The following SLC16A7 variants were observed in gnomAD, a reference collection of about 807,000 sequenced individuals.
SLC16A7 encodes the protein solute carrier family 16 member 7, also known as monocarboxylate transporter 2.
SLC16A7 carries 33 observed loss-of-function variants against 34.9 expected under a neutral mutation model. The ratio of observed to expected loss-of-function variants is 0.94; its 90% confidence interval spans 0.72 to 1.26. The LOEUF (loss-of-function observed/expected upper bound fraction) is 1.26, where lower values mean the gene tolerates loss of function less well. Among genes scored for constraint, SLC16A7 ranks in the 50% most tolerant of loss-of-function variants. The pLI is 0.00. For missense variants in SLC16A7, 573 were observed against 578.1 expected (o/e 0.99, Z 0.09); for synonymous variants, 201 against 206.6 (o/e 0.97, Z 0.23).
chr12:59,774,594 A>G (rs1211071243), intron 4 of SLC16A7, 63 bp from the exon 5 acceptor site: 15 of 1,017,656 alleles, frequency 1.5e-5, no homozygotes, highest in Non-Finnish European at 2.0e-5. Flanking sequence ...TTGAGGAGTA[A>G]TTTCTTTTGT....
At chr12:59,665,583 GTAAT>G (rs1288950026) in intron 2 of SLC16A7, among the ~76,000 whole-genome samples, 2 of 152,010 alleles carry the variant, frequency 1.3e-5, no homozygotes, top group African/African-American at 4.8e-5. Flanking sequence ...ATAATTATCT[GTAAT>G]TAAAGACATT....
intron 3 of SLC16A7, among the ~76,000 whole-genome samples, chr12:59,713,031 CT>C (rs1302327917): frequency 6.7e-6 from 1 of 149,132 alleles, no homozygotes; most frequent in Non-Finnish European, 1.5e-5. Flanking sequence ...CTTTTCTTTT[CT>C]TTTTTGAGAT....
chr12:59,725,729 T>A (rs938323262), intron 3 of SLC16A7, among the ~76,000 whole-genome samples: 3 of 152,182 alleles, frequency 2.0e-5, no homozygotes, highest in Non-Finnish European at 4.4e-5. Context: ...TCAAAAAATA[T>A]GAAGTTATTC....
chr12:59,688,589 T>A (rs1259741692), intron 2 of SLC16A7, among the ~76,000 whole-genome samples: 1 of 152,072 alleles, frequency 6.6e-6, no homozygotes. Flanking sequence ...CAGCAATGTT[T>A]TATATATATG....
At chr12:59,597,051 G>C (rs888343504) in intron 1 of SLC16A7, 6 of 152,350 alleles carry the variant, frequency 3.9e-5, no homozygotes, top group African/African-American at 1.4e-4. Context: ...CGAACTGCCT[G>C]TTTTCTCAGC....
At chr12:59,748,804 A>G (rs1565692452) in intron 3 of SLC16A7, among the ~76,000 whole-genome samples, 1 of 152,320 alleles carries the variant, frequency 6.6e-6, no homozygotes, top group East Asian at 1.9e-4. Context: ...CGGGATTGCT[A>G]TAAGACTTAC....
At chr12:59,734,550 A>C (rs1877365048) in intron 3 of SLC16A7, among the ~76,000 whole-genome samples, 1 of 152,126 alleles carries the variant, frequency 6.6e-6, no homozygotes, top group African/African-American at 2.4e-5. Flanking sequence ...GTGGGTCTCC[A>C]ACCCCTTTAA....
intron 2 of SLC16A7, among the ~76,000 whole-genome samples, chr12:59,658,061 C>G (rs1868629509): frequency 6.6e-6 from 1 of 151,942 alleles, no homozygotes; most frequent in Non-Finnish European, 1.5e-5. Context: ...ACACAGACAC[C>G]TGAAATACAA....
rs548887959 is a variant in SLC16A7 at position 59,664,125 on chromosome 12, C to T, written c.-31+8875C>T. Among the ~76,000 whole-genome samples, 287 of 152,080 alleles carry T rather than the reference C, an allele frequency of 1.9e-3. 1 individual carries two copies. The highest frequency in any genetic ancestry group is 6.6e-3 in the African/African-American group (273 of 41,520). ...TATGGCCTTACATAAGTAATCAAAA[C>T]GCTGAGCTTCAGTGTCCCCATAGGA... is the stretch of plus-strand genomic sequence containing the variant. On this transcript the variant is annotated intron_variant, in intron 2 of 5. Coordinates refer to ENST00000547379, the MANE Select transcript of SLC16A7 (RefSeq NM_001270623.2).
intron 4 of SLC16A7, among the ~76,000 whole-genome samples, chr12:59,773,156 G>C (rs1426351240): frequency 1.3e-5 from 2 of 151,410 alleles, no homozygotes; most frequent in Non-Finnish European, 2.9e-5. Context: ...TTTTAATTTG[G>C]GTTCTTCTAC....
chr12:59,624,974 T>A (rs2136985956), intron 1 of SLC16A7, among the ~76,000 whole-genome samples: 1 of 151,944 alleles, frequency 6.6e-6, no homozygotes, highest in East Asian at 1.9e-4. Context: ...CCCAAGAGGA[T>A]ATCTGGAGCA....
At chr12:59,610,277 A>C (rs78455153) in intron 1 of SLC16A7, among the ~76,000 whole-genome samples, 10,068 of 152,238 alleles carry the variant, frequency 0.066, 401 homozygotes, top group Middle Eastern at 0.12. Flanking sequence ...TTTTCAAAAA[A>C]CAAAAGGCAA....
chr12:59,751,422 G>T (rs1004961415), intron 3 of SLC16A7, among the ~76,000 whole-genome samples: 23 of 152,222 alleles, frequency 1.5e-4, no homozygotes, highest in Non-Finnish European at 2.9e-4. Context: ...TTTCCGATGA[G>T]CTTAAAAAAC....
intron 2 of SLC16A7, among the ~76,000 whole-genome samples, chr12:59,672,907 C>A (rs1870006849): frequency 6.6e-6 from 1 of 152,264 alleles, no homozygotes; most frequent in East Asian, 1.9e-4. Context: ...GCTGTGCCAT[C>A]TCTCTTTCAA....
intron 1 of SLC16A7, among the ~76,000 whole-genome samples, chr12:59,618,691 T>A (rs1318860099): frequency 6.6e-6 from 1 of 151,980 alleles, no homozygotes; most frequent in Non-Finnish European, 1.5e-5. Flanking sequence ...TGATCTTCCG[T>A]TTCCAATAGT....
chr12:59,688,860 C>G (rs1235312522), intron 2 of SLC16A7, among the ~76,000 whole-genome samples: 3 of 151,836 alleles, frequency 2.0e-5, no homozygotes, highest in Non-Finnish European at 4.4e-5. Flanking sequence ...ACCTATTTTT[C>G]AAAGCAGACA....
At chr12:59,765,974 G>T (rs74921895) in intron 3 of SLC16A7, among the ~76,000 whole-genome samples, 1 of 152,056 alleles carries the variant, frequency 6.6e-6, no homozygotes, top group African/African-American at 2.4e-5. Flanking sequence ...AGCATGGAAT[G>T]TTCTTCCATT....
intron 1 of SLC16A7, among the ~76,000 whole-genome samples, chr12:59,614,416 A>T (rs1259022913): frequency 4.6e-5 from 7 of 152,132 alleles, no homozygotes; most frequent in African/African-American, 1.4e-4. Flanking sequence ...ATTCAAACGA[A>T]GTGTTTTGTA....
At chr12:59,765,017 A>C (rs1408591260) in intron 3 of SLC16A7, among the ~76,000 whole-genome samples, 1 of 152,048 alleles carries the variant, frequency 6.6e-6, no homozygotes, top group African/African-American at 2.4e-5. Flanking sequence ...TTTTAATGAT[A>C]GCCATTCTAA....
Sources: gnomAD v4.1 joint callset for allele counts (sites outside exome capture counted in the v4.1 genomes callset) on GRCh38, gnomAD v4.1.1 for gene constraint, MANE v1.5 for transcripts, NCBI Gene and HGNC (gene_info 2026-07-23, HGNC 2026-07-21) for gene names.